The following ABCC12 variants were observed in gnomAD, a reference collection of about 807,000 sequenced individuals.
ABCC12 encodes ATP-binding cassette sub-family C member 12.
Under a neutral mutation model 151.1 loss-of-function variants are expected in ABCC12, and 142 were observed. The observed-to-expected ratio is 0.94, with a 90% confidence interval of 0.82 to 1.08. The LOEUF is 1.08. ABCC12 is among the 50% of genes least tolerant of loss of function. The pLI, the probability that ABCC12 is intolerant of heterozygous loss-of-function variation, is 0.00. For synonymous variants in ABCC12, 645 were observed against 646.4 expected, an observed-to-expected ratio of 1.00 and a Z score of 0.03; for missense variants, 1,638 against 1,691.1, an observed-to-expected ratio of 0.97 and a Z score of 0.55.
intron 12 of ABCC12, among the ~76,000 whole-genome samples, chr16:48,123,232 A>C (rs1324778030): frequency 6.6e-6 from 1 of 152,204 alleles, no homozygotes; most frequent in African/African-American, 2.4e-5. Context: ...GCCATCTCTT[A>C]TGCAGTAGGA....
At chr16:48,134,912 G>A (rs1964554451) in intron 8 of ABCC12, among the ~76,000 whole-genome samples, 1 of 151,858 alleles carries the variant, frequency 6.6e-6, no homozygotes. Flanking sequence ...ATTAGCCAGG[G>A]GTGGTGACGG....
intron 8 of ABCC12, among the ~76,000 whole-genome samples, chr16:48,135,027 G>A (rs2150663431): frequency 6.6e-6 from 1 of 151,058 alleles, no homozygotes; most frequent in Admixed American, 6.6e-5. Context: ...ACTCCAGCCT[G>A]GGCGAGAGCG....
chr16:48,089,858 T>A (rs750318974), intron 25 of ABCC12, among the ~76,000 whole-genome samples: 2 of 152,348 alleles, frequency 1.3e-5, no homozygotes, highest in South Asian at 4.1e-4. Flanking sequence ...TTAAACACGA[T>A]TTTAAGTTAA....
At position 48,091,146 on chromosome 16, in the gene ABCC12, C is replaced by G; in HGVS notation, c.3259G>C (p.Val1087Leu). The change falls in exon 25 of 31, where the codon GTG becomes CTG. Residue 1087 changes from valine (V) to leucine (L), a missense_variant. Physicochemically the swap from Val to Leu is conservative, Grantham distance 32. Coordinates refer to ENST00000311303, the MANE Select transcript of ABCC12 (RefSeq NM_001393797.1). ...GAAATGTATTCCCTGAGCAGCTCCA[C>G]GGAGGTGAATTTGGCTTGCGTCTCT... Reference protein sequence around the residue: ...GTETQAKFTSVELLREYISTC... With the variant: ...GTETQAKFTSLELLREYISTC... The G allele has an allele frequency of 1.9e-6, 3 of 1,614,216 alleles. No homozygotes were observed. Among genetic ancestry groups the G allele is most frequent in the East Asian group, 2.2e-5 (1 of 44,892 alleles).
intron 8 of ABCC12, among the ~76,000 whole-genome samples, chr16:48,136,020 T>C (rs905763521): frequency 6.6e-6 from 1 of 152,180 alleles, no homozygotes; most frequent in African/African-American, 2.4e-5. Flanking sequence ...CATAAGATCG[T>C]CCTCACCACT....
At position 48,141,475 on chromosome 16, in the gene ABCC12, T is replaced by C. The variant is rs140665572; in HGVS notation, c.276-122A>G. The C allele has an allele frequency of 9.3e-6, 12 of 1,284,304 alleles. No individual in the cohort carries two copies. In the African/African-American group the frequency reaches 1.3e-4, roughly 14 times the overall value. 79.6% of individuals were successfully genotyped at this position (1,284,304 alleles called of 1,614,324 possible). A position where few individuals can be genotyped will look rare whatever the true frequency, so the allele number is the denominator to read the frequency against. The stretch of plus-strand genomic sequence containing the variant: ...AGCCCCCCTCCCTGGCAGTGGTGCC[T>C]TCCAGCACTGGCTCAGCTTTCTGCT... On this transcript the variant is annotated intron_variant, in intron 4 of 30. Coordinates refer to ENST00000311303, the MANE Select transcript of ABCC12 (RefSeq NM_001393797.1).
intron 25 of ABCC12, among the ~76,000 whole-genome samples, chr16:48,089,679 C>T (rs1156829150): frequency 6.6e-6 from 1 of 152,052 alleles, no homozygotes; most frequent in African/African-American, 2.4e-5. Flanking sequence ...GTATTTTTAA[C>T]CCCTAGAAGA....
chr16:48,099,967 T>C (rs1020148145), intron 23 of ABCC12, among the ~76,000 whole-genome samples: 9 of 151,678 alleles, frequency 5.9e-5, no homozygotes, highest in Admixed American at 1.3e-4. Flanking sequence ...TTTTTCTTTT[T>C]TTTTTTTTTT....
chr16:48,153,115 A>G (rs1965138437), intron 2 of ABCC12, among the ~76,000 whole-genome samples: 1 of 152,238 alleles, frequency 6.6e-6, no homozygotes, highest in East Asian at 1.9e-4. Context: ...AAAAATAAAA[A>G]TAAGTAAATG....
rs200744085 is a variant in ABCC12 at position 48,121,850 on chromosome 16, C to T, written c.1588-10G>A. 6.2e-7 allele frequency: 1 copy of T among 1,613,948 alleles called. No individual in the cohort carries two copies. Among genetic ancestry groups the T allele is most frequent in the African/African-American group, 1.3e-5 (1 of 74,940 alleles). ...CTTTCTGCAGCTGCATCTGGAACAA[C>T]AAGACGGGAGAAGCTTCAGGAGCCA... On this transcript the variant is annotated splice_polypyrimidine_tract_variant and intron_variant, in intron 12 of 30. Transcript: ENST00000311303.
In ABCC12 at chr16:48,081,690, T is replaced by A. The variant is rs1420560431; in HGVS notation, c.*2025A>T. Among the ~76,000 whole-genome samples, 1 of 152,158 alleles carries A rather than the reference T, an allele frequency of 6.6e-6. No individual in the cohort carries two copies. Among genetic ancestry groups the A allele is most frequent in the Non-Finnish European group, 1.5e-5 (1 of 68,020 alleles). On this transcript the variant is annotated 3_prime_UTR_variant, in exon 31 of 31. Coordinates refer to ENST00000311303, the MANE Select transcript of ABCC12 (RefSeq NM_001393797.1). ...TGCAAGGTCTCAGTAGACATCAGGA[T>A]CAATGTCGGTGTTCTTCTTCTGCCA...
At chr16:48,113,636 A>T (rs953053705) in intron 15 of ABCC12, among the ~76,000 whole-genome samples, 1 of 152,288 alleles carries the variant, frequency 6.6e-6, no homozygotes, top group African/African-American at 2.4e-5. Flanking sequence ...TCTAAGTTCC[A>T]TTCTCCCTGA....
intron 4 of ABCC12, among the ~76,000 whole-genome samples, chr16:48,142,098 C>T (rs60752576): frequency 3.9e-5 from 6 of 151,974 alleles, no homozygotes; most frequent in African/African-American, 4.8e-5. Context: ...GTTCAAGGAC[C>T]GACCCCAGTT....
intron 23 of ABCC12, among the ~76,000 whole-genome samples, chr16:48,099,891 T>C (rs546188738): frequency 1.2e-4 from 19 of 152,226 alleles, no homozygotes; most frequent in Admixed American, 9.8e-4. Flanking sequence ...AAAATAAAAA[T>C]TTATTGCATG....
chr16:48,138,459 GC>G, intron 7 of ABCC12, 84 bp from the exon 8 acceptor site: 1 of 1,467,656 alleles, frequency 6.8e-7, no homozygotes, highest in Non-Finnish European at 9.2e-7. Context: ...GAGTGTAAGT[GC>G]CAGAAAAAGT....
rs1964908726 is a variant in ABCC12 at position 48,143,926 on chromosome 16, C to T, written c.259G>A (p.Asp87Asn). 1.2e-6 allele frequency: 2 copies of T among 1,613,788 alleles called. No individual in the cohort carries two copies. The highest frequency in any genetic ancestry group is 2.2e-5 in the East Asian group (1 of 44,868). ...TCCTGGTACCTTTTGGCATTGGTGTCAGATGAGTCATATGTCGACAATGGG... is the reference window on the plus strand; with the variant it reads ...TCCTGGTACCTTTTGGCATTGGTGTTAGATGAGTCATATGTCGACAATGGG... ...LPPLSTYDSS[D>N]TNAKRFRVLW... Residue 87 changes from aspartate to asparagine, a missense_variant, in exon 4 of 31, where the codon GAC (aspartate) becomes AAC (asparagine). Physicochemically the swap from Asp to Asn is conservative, Grantham distance 23. Transcript: ENST00000311303.
intron 24 of ABCC12, among the ~76,000 whole-genome samples, chr16:48,093,703 AC>A (rs1962993831): frequency 1.3e-5 from 2 of 152,182 alleles, no homozygotes; most frequent in African/African-American, 2.4e-5. Context: ...GAATGAATGA[AC>A]CCTGCCCTTG....
chr16:48,091,210 C>T lies in ABCC12; in HGVS notation c.3196-1G>A. ...CACACACTTGGAGCAGTCCGCTCAG[C>T]TGTTGAAAAGGAGCGAGCAGCCGCA... On this transcript the variant is annotated splice_acceptor_variant, in intron 24 of 30. Coordinates refer to ENST00000311303, the MANE Select transcript of ABCC12 (RefSeq NM_001393797.1). LOFTEE classifies it high-confidence loss of function. 1 of 1,614,032 alleles carries T rather than the reference C, an allele frequency of 6.2e-7. No homozygotes were observed. Among genetic ancestry groups the T allele is most frequent in the Non-Finnish European group, 8.5e-7 (1 of 1,179,926 alleles).
chr16:48,144,754 G>A (rs2150679291), intron 3 of ABCC12, among the ~76,000 whole-genome samples: 1 of 152,202 alleles, frequency 6.6e-6, no homozygotes, highest in South Asian at 2.1e-4. Context: ...CTTGACTGAG[G>A]CCCTGCTTTT....
Sources: gnomAD v4.1 joint callset for allele counts (sites outside exome capture counted in the v4.1 genomes callset) on GRCh38, gnomAD v4.1.1 for gene constraint, MANE v1.5 for transcripts, NCBI Gene and HGNC (gene_info 2026-07-23, HGNC 2026-07-21) for gene names.